The following NCAPD2 variants were observed in gnomAD, a reference collection of about 807,000 sequenced individuals.
NCAPD2 encodes the protein condensin complex subunit 1.
Under a neutral mutation model 164.5 loss-of-function variants are expected in NCAPD2, and 100 were observed. The ratio of observed to expected loss-of-function variants is 0.61; its 90% CI spans 0.52 to 0.72. NCAPD2 has a LOEUF of 0.72. Ranked by LOEUF, NCAPD2 falls within the 30% of genes least tolerant of loss-of-function variation. NCAPD2 has a pLI of 0.00. For synonymous variants in NCAPD2, 585 were observed against 642.6 expected, an observed-to-expected ratio of 0.91 and a Z score of 1.36; for missense variants, 1,560 against 1,749.2, an observed-to-expected ratio of 0.89 and a Z score of 1.93.
In NCAPD2 at chr12:6,527,823, G is replaced by A. The variant is rs1946330876; in HGVS notation, c.2954G>A (p.Gly985Glu). The change falls in exon 23 of 32, where the codon GGG (glycine) becomes GAG (glutamate). Residue 985 changes from glycine to glutamate, a missense_variant. Transcript: ENST00000315579. ...ATGGAGGAGGAGCTGGGGCTGGTTG[G>A]GGCAACAGCAGATGACACAGAGGCA... ...TTMEEELGLV[G>E]ATADDTEAEL... 2 of 1,613,850 alleles carry A rather than the reference G, an allele frequency of 1.2e-6. No homozygotes were observed. The highest frequency in any genetic ancestry group is 1.6e-4 in the Middle Eastern group (1 of 6,062).
intron 6 of NCAPD2, 61 bp downstream of exon 6, chr12:6,511,313 A>C: frequency 6.4e-7 from 1 of 1,555,190 alleles, no homozygotes; most frequent in Non-Finnish European, 8.7e-7. Context: ...CTGTTGATAG[A>C]TATGCCGTTT....
chr12:6,502,543 C>A (rs775890112), intron 2 of NCAPD2, among the ~76,000 whole-genome samples: 2 of 152,068 alleles, frequency 1.3e-5, no homozygotes, highest in Middle Eastern at 3.2e-3. Context: ...ATGGAGTAAC[C>A]AGAAAGTTGG....
chr12:6,526,440 C>T lies in NCAPD2; in HGVS notation c.2567-8C>T. 1 of 1,614,194 alleles carries T rather than the reference C, an allele frequency of 6.2e-7. No individual in the cohort carries two copies. The highest frequency in any genetic ancestry group is 1.3e-5 in the African/African-American group (1 of 75,042). ...TGCAGTAAACAACTTCTCCCTCCTC[C>T]TCTGCAGGCTTTGTCCACCCAGACC... On this transcript the variant is annotated splice_polypyrimidine_tract_variant and splice_region_variant and intron_variant, in intron 20 of 31. Transcript: ENST00000315579.
chr12:6,518,519 T>TTTTTTTTTTG (rs1946231693), intron 13 of NCAPD2, among the ~76,000 whole-genome samples: 1 of 116,066 alleles, frequency 8.6e-6, no homozygotes, highest in Non-Finnish European at 1.7e-5. Flanking sequence ...TTTTTTTTTT[T>TTTTTTTTTTG]TTTTTTTTTT....
At position 6,509,737 on chromosome 12, in the gene NCAPD2, G is replaced by A; in HGVS notation, c.148G>A (p.Ala50Thr). The change falls in exon 3 of 32, where the codon GCT (alanine) becomes ACT (threonine). Residue 50 changes from alanine to threonine, a missense_variant. Coordinates refer to ENST00000315579, the MANE Select transcript of NCAPD2 (RefSeq NM_014865.4). ...CATAGCTTTTCAGGCTGCCTTTCGA[G>A]CTCAGGGGCCCCTGGCTATGCTGCA... ...QLRAFQAAFRAQGPLAMLQHF... is the reference protein window; with the variant it reads ...QLRAFQAAFRTQGPLAMLQHF... 1 of 1,613,932 alleles carries A rather than the reference G, an allele frequency of 6.2e-7. No homozygotes were observed. The highest frequency in any genetic ancestry group is 8.5e-7 in the Non-Finnish European group (1 of 1,179,950).
In NCAPD2 at chr12:6,520,972, T is replaced by C; in HGVS notation, c.1590-14T>C. ...GACATTCTTCTGGGTACTGACAGGC[T>C]GGTGTTCTTTCAGAAAGGCCATCAT... On this transcript the variant is annotated splice_polypyrimidine_tract_variant and intron_variant, in intron 13 of 31. Transcript: ENST00000315579. 1 of 1,613,698 alleles carries C rather than the reference T, an allele frequency of 6.2e-7. No individual in the cohort carries two copies. The highest frequency in any genetic ancestry group is 2.2e-5 in the East Asian group (1 of 44,884).
intron 9 of NCAPD2, 89 bp from the exon 10 acceptor site, chr12:6,516,739 C>A: frequency 8.0e-7 from 1 of 1,242,852 alleles, no homozygotes; most frequent in Non-Finnish European, 1.2e-6. Flanking sequence ...GAGTGAATAC[C>A]TAGGCAGTTA....
At chr12:6,498,042 T>C (rs1405658225) in intron 2 of NCAPD2, among the ~76,000 whole-genome samples, 1 of 152,018 alleles carries the variant, frequency 6.6e-6, no homozygotes, top group Non-Finnish European at 1.5e-5. Flanking sequence ...CCCGAGTAGC[T>C]GGGACTACAG....
chr12:6,500,895 A>G (rs1946028286), intron 2 of NCAPD2, among the ~76,000 whole-genome samples: 1 of 152,176 alleles, frequency 6.6e-6, no homozygotes. Context: ...TAAGTGGCTA[A>G]TACAGTAATA....
intron 6 of NCAPD2, among the ~76,000 whole-genome samples, chr12:6,512,986 G>A (rs1946165443): frequency 6.6e-6 from 1 of 152,112 alleles, no homozygotes; most frequent in Admixed American, 6.5e-5. Flanking sequence ...ATAGGGAGAA[G>A]GCTGTGAATA....
chr12:6,527,515 A>G (rs926754123), intron 22 of NCAPD2, among the ~76,000 whole-genome samples: 2 of 152,242 alleles, frequency 1.3e-5, no homozygotes, highest in South Asian at 2.1e-4. Context: ...GGCGTGATCC[A>G]TCTGTTTACC....
chr12:6,511,964 A>G (rs1426496375), intron 6 of NCAPD2, among the ~76,000 whole-genome samples: 3 of 150,804 alleles, frequency 2.0e-5, no homozygotes, highest in African/African-American at 7.3e-5. Context: ...ATCCTGGGCG[A>G]CAAGAGCAAA....
At position 6,521,787 on chromosome 12, in the gene NCAPD2, T is replaced by G. The variant is rs1946265646; in HGVS notation, c.1715-11T>G. 6.2e-7 allele frequency: 1 copy of G among 1,613,132 alleles called. No homozygotes were observed. Among genetic ancestry groups the G allele is most frequent in the Non-Finnish European group, 8.5e-7 (1 of 1,179,408 alleles). Reference sequence around the variant, plus strand: ...TGAACGAAACCATCCTGTACTTCTCTAACTCCTTAGGCCCAGCAGCTTCCA... The same window carrying G: ...TGAACGAAACCATCCTGTACTTCTCGAACTCCTTAGGCCCAGCAGCTTCCA... On this transcript the variant is annotated splice_polypyrimidine_tract_variant and intron_variant, in intron 14 of 31. Transcript: ENST00000315579.
At position 6,529,971 on chromosome 12, in the gene NCAPD2, G is replaced by A. The variant is rs1296345368; in HGVS notation, c.3837+13G>A. 6.2e-7 allele frequency: 1 copy of A among 1,609,234 alleles called. No homozygotes were observed. Among genetic ancestry groups the A allele is most frequent in the South Asian group, 1.1e-5 (1 of 90,454 alleles). Reference sequence around the variant, plus strand: ...GCCTGAGGGCAAGGTGAGCAGCACAGGACACTTCAATGCCTGTTGGGTTCT... The same window carrying A: ...GCCTGAGGGCAAGGTGAGCAGCACAAGACACTTCAATGCCTGTTGGGTTCT... On this transcript the variant is annotated intron_variant, in intron 29 of 31. Coordinates refer to ENST00000315579, the MANE Select transcript of NCAPD2 (RefSeq NM_014865.4).
At chr12:6,520,045 G>A (rs558470983) in intron 13 of NCAPD2, among the ~76,000 whole-genome samples, 4 of 151,802 alleles carry the variant, frequency 2.6e-5, no homozygotes, top group African/African-American at 9.7e-5. Flanking sequence ...GCCAGGTATG[G>A]TGGCACGTAC....
rs572247056 is a variant in NCAPD2 at position 6,526,175 on chromosome 12, T to C, written c.2456T>C (p.Ile819Thr). 8.1e-6 allele frequency: 13 copies of C among 1,614,174 alleles called. No homozygotes were observed. The South Asian group carries it at 1.1e-4, about 14-fold the overall frequency. Residue 819 changes from isoleucine to threonine, a missense_variant, in exon 19 of 32, where the codon ATT becomes ACT. Transcript: ENST00000315579. The part of the protein sequence containing the change: ...YRLAQQVCHA[I>T]ANISDRRKPS... The stretch of plus-strand genomic sequence containing the variant: ...CTGGCCCAGCAGGTGTGCCATGCCA[T>C]TGCCAACATCTCGGACAGGAGAAAG...
chr12:6,510,168 G>A (rs371096812), intron 4 of NCAPD2, 35 bp downstream of exon 4: 198 of 1,545,342 alleles, frequency 1.3e-4, no homozygotes, highest in Non-Finnish European at 1.5e-4. Context: ...GATGGAAGGT[G>A]TTTGTTATCG....
intron 3 of NCAPD2, 35 bp downstream of exon 3, chr12:6,509,827 A>ACT: frequency 6.3e-7 from 1 of 1,597,112 alleles, no homozygotes; most frequent in Non-Finnish European, 8.6e-7. Context: ...TTTAAAAAGA[A>ACT]CTGGTGACTG....
At chr12:6,516,662 G>GC (rs752359150) in intron 9 of NCAPD2, among the ~76,000 whole-genome samples, 166 bp from the exon 10 acceptor site, 11 of 152,072 alleles carry the variant, frequency 7.2e-5, no homozygotes, top group Non-Finnish European at 1.3e-4. Flanking sequence ...ATTGGTTTTG[G>GC]CCCTTGTTCT....
Sources: gnomAD v4.1 joint callset for allele counts (sites outside exome capture counted in the v4.1 genomes callset) on GRCh38, gnomAD v4.1.1 for gene constraint, MANE v1.5 for transcripts, NCBI Gene and HGNC (gene_info 2026-07-23, HGNC 2026-07-21) for gene names.